UMAD1: variants seen among roughly 807,000 people sequenced by gnomAD.
UMAD1 encodes the protein UBAP1-MVB12-associated (UMA) domain containing 1.
In UMAD1, 8 loss-of-function variants were observed where a neutral mutation model predicts 6.1. That is an observed-to-expected ratio of 1.30 (90% confidence interval 0.76 to 2.35). The LOEUF is 2.35. Among genes scored for constraint, UMAD1 ranks in the 30% most tolerant of loss-of-function variants. The pLI is 0.00. For synonymous variants in UMAD1, 56 were observed against 31.4 expected, an observed-to-expected ratio of 1.78 and a Z score of -2.61; for missense variants, 130 against 78.4, an observed-to-expected ratio of 1.66 and a Z score of -2.49.
At chr7:7,697,925 A>G (rs578013417) in intron 2 of UMAD1, among the ~76,000 whole-genome samples, 1 of 152,218 alleles carries the variant, frequency 6.6e-6, no homozygotes, top group East Asian at 1.9e-4. Flanking sequence ...CCCTCAGCTC[A>G]CCTTCATGAG....
At chr7:7,643,979 C>T (rs6974232) in intron 1 of UMAD1, among the ~76,000 whole-genome samples, 47,571 of 151,862 alleles carry the variant, frequency 0.31, 9,492 homozygotes, top group East Asian at 0.79. Flanking sequence ...GATAGGCCAC[C>T]GGTAACTTGG....
At chr7:7,858,559 G>A (rs959678777) in intron 3 of UMAD1, among the ~76,000 whole-genome samples, 2 of 152,222 alleles carry the variant, frequency 1.3e-5, no homozygotes, top group African/African-American at 4.8e-5. Context: ...GGTTTTAAAA[G>A]TTGACTACCT....
At position 7,822,951 on chromosome 7, in the gene UMAD1, T is replaced by C. The variant is rs1324948035; in HGVS notation, c.156+21208T>C. Among the ~76,000 whole-genome samples the C allele has an allele frequency of 3.3e-5, 5 of 152,284 alleles. No individual in the cohort carries two copies. In the South Asian group the frequency reaches 6.2e-4, roughly 19 times the overall value. On this transcript the variant is annotated intron_variant, in intron 3 of 3. Coordinates refer to ENST00000682710, the MANE Select transcript of UMAD1 (RefSeq NM_001302348.2). ...TCTATATTTTTATGGGCTGTTTGCT[T>C]TTCAGAATACTTGTCTGTGAGGTTA...
intron 2 of UMAD1, among the ~76,000 whole-genome samples, chr7:7,761,322 G>C (rs1003667323): frequency 1.4e-5 from 2 of 138,104 alleles, no homozygotes; most frequent in African/African-American, 5.7e-5. Context: ...CTGTGATCGT[G>C]TCACTGTACT....
intron 3 of UMAD1, among the ~76,000 whole-genome samples, chr7:7,808,179 G>T (rs1782956067): frequency 6.6e-6 from 1 of 151,976 alleles, no homozygotes; most frequent in Non-Finnish European, 1.5e-5. Context: ...TCCAATTAAA[G>T]GATTAGACAC....
chr7:7,791,667 A>T (rs536915232), intron 2 of UMAD1, among the ~76,000 whole-genome samples: 3 of 152,336 alleles, frequency 2.0e-5, no homozygotes, highest in African/African-American at 7.2e-5. Context: ...CTGAGAACTA[A>T]GGACATCAGT....
chr7:7,756,831 A>C (rs531306403), intron 2 of UMAD1, among the ~76,000 whole-genome samples: 4 of 152,278 alleles, frequency 2.6e-5, no homozygotes, highest in Non-Finnish European at 4.4e-5. Context: ...GTCTGCTCAG[A>C]ATTCCTTAAA....
intron 2 of UMAD1, among the ~76,000 whole-genome samples, chr7:7,774,085 T>A (rs533262730): frequency 4.3e-4 from 66 of 152,332 alleles, no homozygotes; most frequent in African/African-American, 1.6e-3. Context: ...TGGTGCTTTT[T>A]CTGTTTGCAA....
At chr7:7,679,654 A>T (rs1243067365) in intron 2 of UMAD1, among the ~76,000 whole-genome samples, 1 of 109,216 alleles carries the variant, frequency 9.2e-6, no homozygotes. Context: ...AGATAAATAT[A>T]TATTTATATA....
At chr7:7,662,651 T>G (rs574228259) in intron 1 of UMAD1, among the ~76,000 whole-genome samples, 89 of 152,260 alleles carry the variant, frequency 5.8e-4, no homozygotes, top group African/African-American at 2.0e-3. Context: ...GCACCCACTG[T>G]CTAACCAGTC....
chr7:7,848,141 TA>T (rs1435643250), intron 3 of UMAD1, among the ~76,000 whole-genome samples: 1 of 152,212 alleles, frequency 6.6e-6, no homozygotes, highest in Non-Finnish European at 1.5e-5. Flanking sequence ...TTAACATTAT[TA>T]ATCAACTACA....
At chr7:7,648,041 T>C (rs1195748803) in intron 1 of UMAD1, among the ~76,000 whole-genome samples, 1 of 152,224 alleles carries the variant, frequency 6.6e-6, no homozygotes, top group Non-Finnish European at 1.5e-5. Flanking sequence ...GCTTGAATGC[T>C]CATTTTCTCA....
intron 2 of UMAD1, among the ~76,000 whole-genome samples, chr7:7,688,141 T>TG (rs1385904676): frequency 6.6e-6 from 1 of 152,206 alleles, no homozygotes; most frequent in African/African-American, 2.4e-5. Flanking sequence ...TTTGTATTTT[T>TG]GGGGGGAGAA....
At chr7:7,823,980 G>A (rs1028618777) in intron 3 of UMAD1, among the ~76,000 whole-genome samples, 2 of 152,074 alleles carry the variant, frequency 1.3e-5, no homozygotes, top group Non-Finnish European at 2.9e-5. Context: ...TAGAGAACGT[G>A]CATTTCCTGG....
intron 2 of UMAD1, among the ~76,000 whole-genome samples, chr7:7,789,668 G>A (rs903749309): frequency 1.7e-4 from 26 of 149,014 alleles, no homozygotes; most frequent in African/African-American, 6.3e-4. Flanking sequence ...CTGTCTGTAT[G>A]AATGTGACTA....
intron 2 of UMAD1, among the ~76,000 whole-genome samples, chr7:7,675,273 A>G (rs1349463774): frequency 2.0e-5 from 3 of 152,196 alleles, no homozygotes; most frequent in Non-Finnish European, 2.9e-5. Context: ...AGCACATAGA[A>G]TTCCTAATGC....
intron 2 of UMAD1, among the ~76,000 whole-genome samples, chr7:7,789,272 A>AG (rs1782518076): frequency 1.3e-5 from 2 of 151,840 alleles, no homozygotes; most frequent in Admixed American, 6.6e-5. Context: ...TATGGCTGAG[A>AG]GAAAAAAAAC....
intron 2 of UMAD1, among the ~76,000 whole-genome samples, chr7:7,698,870 CTTTTT>C (rs57968079): frequency 5.3e-5 from 7 of 131,956 alleles, no homozygotes; most frequent in Admixed American, 4.6e-4. Flanking sequence ...ACCCTCTTGT[CTTTTT>C]TTTTTTTTTT....
chr7:7,696,824 C>G (rs1430722416), intron 2 of UMAD1, among the ~76,000 whole-genome samples: 1 of 151,948 alleles, frequency 6.6e-6, no homozygotes. Flanking sequence ...GATGTTCTCT[C>G]TTTTTCTTTC....
Sources: gnomAD v4.1 joint callset for allele counts (sites outside exome capture counted in the v4.1 genomes callset) on GRCh38, gnomAD v4.1.1 for gene constraint, MANE v1.5 for transcripts, NCBI Gene and HGNC (gene_info 2026-07-23, HGNC 2026-07-21) for gene names.